NR2F1-AS1: variants seen among roughly 807,000 people sequenced by gnomAD.
NR2F1-AS1 encodes NR2F1 antisense RNA 1.
chr5:93,416,108 C>T (rs1390699686), intron 4 of NR2F1-AS1, among the ~76,000 whole-genome samples: 1 of 152,156 alleles, frequency 6.6e-6, no homozygotes, highest in Non-Finnish European at 1.5e-5. Context: ...TTACATTTCT[C>T]ACCCACACAG....
chr5:93,422,264 C>G (rs1749104983), intron 4 of NR2F1-AS1: 1 of 152,330 alleles, frequency 6.6e-6, no homozygotes, highest in South Asian at 2.1e-4. Flanking sequence ...CATCCTTTCA[C>G]GCAGGCCCGC....
At chr5:93,527,936 G>T (rs910907056) in intron 4 of NR2F1-AS1, among the ~76,000 whole-genome samples, 1 of 152,050 alleles carries the variant, frequency 6.6e-6, no homozygotes. Context: ...TATAGGCATG[G>T]GCAAAGACTT....
intron 4 of NR2F1-AS1, among the ~76,000 whole-genome samples, chr5:93,420,072 C>T (rs1749056576): frequency 6.6e-6 from 1 of 152,052 alleles, no homozygotes; most frequent in Non-Finnish European, 1.5e-5. Flanking sequence ...GGTGCACACC[C>T]ATAATCCCTG....
At chr5:93,418,006 T>G (rs1436796878) in intron 4 of NR2F1-AS1, among the ~76,000 whole-genome samples, 1 of 152,182 alleles carries the variant, frequency 6.6e-6, no homozygotes, top group African/African-American at 2.4e-5. Context: ...TTTCTTTTCT[T>G]TAGGCCAACT....
intron 4 of NR2F1-AS1, among the ~76,000 whole-genome samples, chr5:93,530,577 T>C (rs536046707): frequency 6.6e-6 from 1 of 152,114 alleles, no homozygotes; most frequent in Non-Finnish European, 1.5e-5. Flanking sequence ...AGTAGTTGAG[T>C]GGCAAAGAGA....
chr5:93,490,006 G>C (rs1750802928), intron 4 of NR2F1-AS1, among the ~76,000 whole-genome samples: 2 of 152,188 alleles, frequency 1.3e-5, no homozygotes. Context: ...ATGAGGACCT[G>C]TGAAATGGAG....
intron 4 of NR2F1-AS1, among the ~76,000 whole-genome samples, chr5:93,416,101 C>G (rs1050077884): frequency 1.1e-4 from 16 of 152,184 alleles, no homozygotes; most frequent in Admixed American, 1.0e-3. Flanking sequence ...ACAGTACTTA[C>G]ATTTCTCACC....
intron 4 of NR2F1-AS1, among the ~76,000 whole-genome samples, chr5:93,473,804 C>T (rs1338214471): frequency 6.6e-6 from 1 of 151,748 alleles, no homozygotes; most frequent in East Asian, 1.9e-4. Flanking sequence ...CCTTGCTTAG[C>T]CACTATTCAA....
chr5:93,578,132 AAC>A (rs1388577397), intron 1 of NR2F1-AS1, among the ~76,000 whole-genome samples: 3 of 152,172 alleles, frequency 2.0e-5, no homozygotes, highest in African/African-American at 7.2e-5. Flanking sequence ...AGGATATGTT[AAC>A]AGACAGACAG....
rs138817898 is a variant in NR2F1-AS1, at chr5:93,430,861, T to TATCATCATCATCATC, written n.639-35334_639-35320dup. 1.1e-3 allele frequency among the ~76,000 whole-genome samples: 168 copies of TATCATCATCATCATC among 149,640 alleles called. 2 individuals carry two copies. Among genetic ancestry groups the TATCATCATCATCATC allele is most frequent in the African/African-American group, 3.7e-3 (149 of 40,204 alleles). Reference sequence around the variant, plus strand: ...TGTGTTGTCACTGTCTCCCTTGCTTTATCATCATCATCATCATCATCATCA... The same window carrying TATCATCATCATCATC: ...TGTGTTGTCACTGTCTCCCTTGCTTTATCATCATCATCATCATCATCATCATCATCATCATCATCA... On this transcript the variant is annotated intron_variant and non_coding_transcript_variant, in intron 4 of 5. Coordinates refer to ENST00000660523, the Ensembl canonical transcript of NR2F1-AS1.
chr5:93,472,856 T>C (rs1750398181), intron 4 of NR2F1-AS1, among the ~76,000 whole-genome samples: 1 of 151,954 alleles, frequency 6.6e-6, no homozygotes, highest in Non-Finnish European at 1.5e-5. Flanking sequence ...TATCTAAAAA[T>C]TTCCTATTTT....
At chr5:93,462,534 A>C (rs953269082) in intron 4 of NR2F1-AS1, among the ~76,000 whole-genome samples, 4 of 152,142 alleles carry the variant, frequency 2.6e-5, no homozygotes, top group African/African-American at 9.7e-5. Context: ...ATACCCAAAA[A>C]TGTGAAGGCA....
intron 4 of NR2F1-AS1, among the ~76,000 whole-genome samples, chr5:93,416,384 T>C (rs1034532750): frequency 4.6e-5 from 7 of 152,216 alleles, no homozygotes; most frequent in African/African-American, 1.7e-4. Context: ...TACAGCCATT[T>C]TTCCTTCTCT....
chr5:93,535,766 A>G (rs1314373170), intron 4 of NR2F1-AS1, among the ~76,000 whole-genome samples: 3 of 152,140 alleles, frequency 2.0e-5, no homozygotes, highest in Non-Finnish European at 4.4e-5. Context: ...GCAGAAAAGC[A>G]TTTGACAAAA....
intron 4 of NR2F1-AS1, among the ~76,000 whole-genome samples, chr5:93,468,285 C>T (rs889452136): frequency 6.6e-6 from 1 of 151,600 alleles, no homozygotes; most frequent in African/African-American, 2.4e-5. Context: ...TGTAAAAGCA[C>T]TATTTCTCCA....
intron 4 of NR2F1-AS1, among the ~76,000 whole-genome samples, chr5:93,434,879 T>C (rs184255517): frequency 6.6e-6 from 1 of 152,310 alleles, no homozygotes; most frequent in East Asian, 1.9e-4. Context: ...ATATAAATGA[T>C]GTTGTGTTCT....
At chr5:93,507,797 T>C (rs1044330262) in intron 4 of NR2F1-AS1, among the ~76,000 whole-genome samples, 1 of 152,056 alleles carries the variant, frequency 6.6e-6, no homozygotes. Context: ...GGGAATAAGA[T>C]CAATATACAA....
At chr5:93,546,244 A>T (rs927786031) in intron 4 of NR2F1-AS1, among the ~76,000 whole-genome samples, 1 of 152,340 alleles carries the variant, frequency 6.6e-6, no homozygotes, top group African/African-American at 2.4e-5. Context: ...AGGCAATGTA[A>T]ACTGACACAG....
At chr5:93,548,658 T>C (rs1008237101) in intron 4 of NR2F1-AS1, among the ~76,000 whole-genome samples, 11 of 151,780 alleles carry the variant, frequency 7.2e-5, no homozygotes, top group African/African-American at 2.7e-4. Flanking sequence ...AGATCAGGAG[T>C]TCGAGACCAG....
Sources: gnomAD v4.1 joint callset for allele counts (sites outside exome capture counted in the v4.1 genomes callset) on GRCh38, gnomAD v4.1.1 for gene constraint, MANE v1.5 for transcripts, NCBI Gene and HGNC (gene_info 2026-07-23, HGNC 2026-07-21) for gene names.